The following LMF1 variants were observed in gnomAD, a reference collection of about 807,000 sequenced individuals.
The protein encoded by LMF1 is lipase maturation factor 1.
In LMF1, 68 loss-of-function variants were observed where a neutral mutation model predicts 60.6. The ratio of observed to expected loss-of-function variants is 1.12; its 90% CI spans 0.92 to 1.37. The LOEUF is 1.37. Among genes scored for constraint, LMF1 ranks in the 40% most tolerant of loss-of-function variants. The pLI, the probability that LMF1 is intolerant of heterozygous loss-of-function variation, is 0.00. For missense variants in LMF1, 948 were observed against 767.2 expected (o/e 1.24, Z -2.78); for synonymous variants, 418 against 324.7 (o/e 1.29, Z -3.09).
chr16:854,424 C>G lies in LMF1; in HGVS notation c.*108G>C. 8.7e-7 allele frequency: 1 copy of G among 1,144,178 alleles called. No homozygotes were observed. The allele number at this position is 1,144,178 out of a possible 1,614,324, so 70.9% of individuals were successfully genotyped here. A position where few individuals can be genotyped will look rare whatever the true frequency, so the allele number is the denominator to read the frequency against. ...CTGGGGGCTGGGTCCCACCGCTCTC[C>G]TCTCCACGTCTCTCTTGGCGATGCC... On this transcript the variant is annotated 3_prime_UTR_variant, in exon 11 of 11. Transcript: ENST00000262301.
At position 893,147 on chromosome 16, in the gene LMF1, C is replaced by T. The variant is rs371232712; in HGVS notation, c.664-75G>A. On this transcript the variant is annotated intron_variant, in intron 4 of 10. Transcript: ENST00000262301. Reference sequence around the variant, plus strand: ...GGCGGCCCCGACAGAAACAGCTTCCCAGGAAGACGAACCATCCACGAAGGC... The same window carrying T: ...GGCGGCCCCGACAGAAACAGCTTCCTAGGAAGACGAACCATCCACGAAGGC... 6.1e-6 allele frequency: 8 copies of T among 1,306,364 alleles called. No individual in the cohort carries two copies. The East Asian group carries it at 1.0e-4, about 17-fold the overall frequency. The allele number at this position is 1,306,364 out of a possible 1,614,324, so 80.9% of individuals were successfully genotyped here. A position where few individuals can be genotyped will look rare whatever the true frequency, so the allele number is the denominator to read the frequency against.
chr16:954,786 G>C (rs1475463481), intron 1 of LMF1, 120 bp from the exon 2 acceptor site: 2 of 907,346 alleles, frequency 2.2e-6, no homozygotes, highest in East Asian at 5.2e-5. Flanking sequence ...CTGGCTGACG[G>C]TTTGGGGCCA....
intron 1 of LMF1, among the ~76,000 whole-genome samples, chr16:957,567 C>T (rs561367415): frequency 3.3e-5 from 5 of 152,180 alleles, no homozygotes; most frequent in South Asian, 4.2e-4. Flanking sequence ...GTGCTTCCGC[C>T]GAGGCTGACA....
In LMF1 at chr16:977,861, CACAA is replaced by C. The variant is rs370141939; in HGVS notation, c.-135+3280_-135+3283del. Among the ~76,000 whole-genome samples the C allele has an allele frequency of 4.6e-3, 696 of 149,764 alleles. 10 individuals carry two copies. Among genetic ancestry groups the C allele is most frequent in the African/African-American group, 0.016 (650 of 40,590 alleles). On this transcript the variant is annotated intron_variant, in intron 1 of 6. Transcript: ENST00000570014. ...CACCATACACATGCACACCACACAT[CACAA>C]ACACACCCACACCCTGCACACATAC...
At chr16:913,008 G>A (rs546643811) in intron 3 of LMF1, among the ~76,000 whole-genome samples, 3 of 152,294 alleles carry the variant, frequency 2.0e-5, no homozygotes, top group South Asian at 4.1e-4. Context: ...CGAACGAGGC[G>A]GCAACACGCA....
intron 1 of LMF1, among the ~76,000 whole-genome samples, chr16:967,660 C>T (rs957720778): frequency 6.6e-6 from 1 of 152,248 alleles, no homozygotes; most frequent in African/African-American, 2.4e-5. Context: ...TCAGGCATCC[C>T]CGACCACCTC....
chr16:972,757 G>A (rs1215970234), upstream of LMF1, among the ~76,000 whole-genome samples: 1 of 152,254 alleles, frequency 6.6e-6, no homozygotes, highest in Admixed American at 6.5e-5. Context: ...ATTGTGCAGA[G>A]CAGAAAAGGG....
intron 6 of LMF1, among the ~76,000 whole-genome samples, chr16:875,628 G>A (rs541085466): frequency 1.4e-4 from 21 of 152,242 alleles, no homozygotes; most frequent in African/African-American, 3.6e-4. Context: ...CAGGGTACAC[G>A]GGCCATGGAA....
In LMF1 at chr16:870,860, G is replaced by GGCTGCAC; in HGVS notation, c.1094_1100dup (p.Asn368CysfsTer82). 1 of 1,610,050 alleles carries GGCTGCAC rather than the reference G, an allele frequency of 6.2e-7. No homozygotes were observed. Among genetic ancestry groups the GGCTGCAC allele is most frequent in the South Asian group, 1.1e-5 (1 of 91,056 alleles). On this transcript the variant is annotated frameshift_variant, in exon 8 of 11. Transcript: ENST00000262301. LOFTEE classifies it high-confidence loss of function. ...CCAGCAGGACGCCCAGCGAGACGTT[G>GGCTGCAC]GCTGCACGCCGCACCACGGAGCCTG...
intron 2 of LMF1, among the ~76,000 whole-genome samples, chr16:943,657 G>T (rs982298564): frequency 6.7e-6 from 1 of 149,452 alleles, no homozygotes; most frequent in African/African-American, 2.5e-5. Context: ...AACCTGCGAG[G>T]TGGAGGTTGA....
At chr16:855,587 C>A in intron 10 of LMF1, 1 of 391,876 alleles carries the variant, frequency 2.6e-6, no homozygotes, top group Non-Finnish European at 5.1e-6. Context: ...AAGCTCCCGG[C>A]CCTCCAGGCC....
intron 9 of LMF1, 63 bp from the exon 10 acceptor site, chr16:869,119 G>T (rs1337862894): frequency 9.0e-7 from 1 of 1,106,726 alleles, no homozygotes; most frequent in African/African-American, 1.5e-5. Flanking sequence ...AGCCCCTCCG[G>T]ACGCTCGGCT....
At chr16:948,117 C>CAGTCAGCCAACGACAA (rs1276956413) in intron 2 of LMF1, among the ~76,000 whole-genome samples, 6 of 138,910 alleles carry the variant, frequency 4.3e-5, no homozygotes, top group Non-Finnish European at 9.2e-5. Context: ...CAGCCAACGA[C>CAGTCAGCCAACGACAA]AGTCAGCCAA....
chr16:927,906 G>A (rs1317143356), intron 3 of LMF1, among the ~76,000 whole-genome samples: 1 of 152,202 alleles, frequency 6.6e-6, no homozygotes, highest in East Asian at 1.9e-4. Context: ...CCCCGCACAC[G>A]CACGGCGACA....
chr16:931,956 GAC>G (rs1340956787), intron 3 of LMF1, among the ~76,000 whole-genome samples: 3 of 152,240 alleles, frequency 2.0e-5, no homozygotes, highest in Non-Finnish European at 2.9e-5. Context: ...CACCCAGGGA[GAC>G]ACAAACGCAG....
intron 5 of LMF1, among the ~76,000 whole-genome samples, chr16:886,276 T>C (rs908233019): frequency 6.6e-6 from 1 of 152,134 alleles, no homozygotes; most frequent in African/African-American, 2.4e-5. Flanking sequence ...CTTGGCTGCG[T>C]GGGTAGAACA....
chr16:959,278 T>C (rs1367390279), intron 1 of LMF1, among the ~76,000 whole-genome samples: 1 of 152,196 alleles, frequency 6.6e-6, no homozygotes, highest in Non-Finnish European at 1.5e-5. Flanking sequence ...CATGGATGAA[T>C]CTTAAGTGCA....
intron 3 of LMF1, among the ~76,000 whole-genome samples, chr16:929,899 G>A (rs749902299): frequency 6.6e-6 from 1 of 151,980 alleles, no homozygotes; most frequent in East Asian, 1.9e-4. Flanking sequence ...AGCAGTGGTC[G>A]TGTACGTGTG....
Position 874,425 on chromosome 16 carries a change from TG to T in LMF1, c.898-3085del, listed in dbSNP as rs2069908536. Among the ~76,000 whole-genome samples the T allele has an allele frequency of 6.6e-6, 1 of 152,160 alleles. No homozygotes were observed. Among genetic ancestry groups the T allele is most frequent in the Non-Finnish European group, 1.5e-5 (1 of 68,014 alleles). ...AGGTTCCAGACCTGAGCTCACCCCC[TG>T]CCCCTCCCGCCCTGGCAGTCCGGGG... is the stretch of plus-strand genomic sequence containing the variant. On this transcript the variant is annotated intron_variant, in intron 6 of 10. Transcript: ENST00000262301. The surrounding 1 kb of genome is among the most constrained non-coding windows in gnomAD (Gnocchi z 4.1).
Sources: gnomAD v4.1 joint callset for allele counts (sites outside exome capture counted in the v4.1 genomes callset) on GRCh38, gnomAD v4.1.1 for gene constraint, Gnocchi (gnomAD v3.1) non-coding constraint, MANE v1.5 for transcripts, NCBI Gene and HGNC (gene_info 2026-07-23, HGNC 2026-07-21) for gene names.